The following PWWP2A variants were observed in gnomAD, a reference collection of about 807,000 sequenced individuals.
PWWP2A encodes PWWP domain-containing protein 2A.
In PWWP2A, 18 loss-of-function variants were observed where a neutral mutation model predicts 48.5. The ratio of observed to expected loss-of-function variants is 0.37; its 90% CI spans 0.26 to 0.55. The LOEUF (loss-of-function observed/expected upper bound fraction) is 0.55, where lower values mean the gene tolerates loss of function less well. Ranked by LOEUF, PWWP2A falls within the 20% of genes least tolerant of loss-of-function variation. PWWP2A has a pLI of 0.81. For missense variants in PWWP2A, 867 were observed against 976.4 expected, an observed-to-expected ratio of 0.89 and a Z score of 1.49; for synonymous variants, 396 against 387.7, an observed-to-expected ratio of 1.02 and a Z score of -0.25.
chr5:160,090,129 G>C, downstream of PWWP2A: 1 of 984,804 alleles, frequency 1.0e-6, no homozygotes, highest in Non-Finnish European at 1.2e-6. Context: ...TCAAAGGTGT[G>C]TTCTACAAAA....
At chr5:160,072,588 G>A (rs536045035), downstream of PWWP2A, among the ~76,000 whole-genome samples, 8 of 152,158 alleles carry the variant, frequency 5.3e-5, 1 homozygote, top group South Asian at 8.3e-4. Flanking sequence ...TTGTTAGCTC[G>A]GGGTGGTAGT....
chr5:160,071,178 G>A (rs546068844), downstream of PWWP2A, among the ~76,000 whole-genome samples: 1 of 152,078 alleles, frequency 6.6e-6, no homozygotes, highest in Admixed American at 6.5e-5. Context: ...ATGAGACCCT[G>A]TCTCAAAAAG....
rs182691561 is a variant in PWWP2A, at chr5:160,062,863, G to A, written c.*368+679C>T. Among the ~76,000 whole-genome samples the A allele has an allele frequency of 2.7e-3, 414 of 151,898 alleles. 3 individuals are homozygous for A. The highest frequency in any genetic ancestry group is 9.5e-3 in the African/African-American group (395 of 41,436). On this transcript the variant is annotated intron_variant and NMD_transcript_variant, in intron 5 of 5. Coordinates refer to the PWWP2A transcript ENST00000524050. ...TCCAACCCCAGAACAAACTGCCAGC[G>A]TTCCTGGTTGGTGTTGCTAACTCAG...
intron 1 of PWWP2A, among the ~76,000 whole-genome samples, chr5:160,115,517 C>A (rs1471989503): frequency 6.6e-6 from 1 of 151,814 alleles, no homozygotes; most frequent in East Asian, 1.9e-4. Context: ...CATGGTGAAA[C>A]CCCCGTCTCT....
At chr5:160,066,861 A>G (rs76134406) in exon 3 of PWWP2A, 37 of 152,018 alleles carry the variant, frequency 2.4e-4, no homozygotes, top group African/African-American at 8.9e-4. Flanking sequence ...CAACATAGCA[A>G]GGTTCCATCT....
At chr5:160,112,126 C>CAAAAAA (rs11480893) in intron 1 of PWWP2A, among the ~76,000 whole-genome samples, 5 of 90,868 alleles carry the variant, frequency 5.5e-5, no homozygotes, top group African/African-American at 1.8e-4. Flanking sequence ...GACCCTTTCT[C>CAAAAAA]AAAAAAAAAA....
chr5:160,103,323 C>T (rs1330914696), intron 1 of PWWP2A, among the ~76,000 whole-genome samples: 1 of 152,132 alleles, frequency 6.6e-6, no homozygotes, highest in Non-Finnish European at 1.5e-5. Context: ...GAAAATCTAT[C>T]CAACTTAAGT....
chr5:160,078,886 C>T lies in PWWP2A; in HGVS notation c.1670-718G>A, dbSNP rs534438605. ...CTCCAACAAGAAGCAGGACTCCAAGCGCACTGTTTATAAAGGGCAAGGCTT... is the reference window on the plus strand; with the variant it reads ...CTCCAACAAGAAGCAGGACTCCAAGTGCACTGTTTATAAAGGGCAAGGCTT... On this transcript the variant is annotated intron_variant, in intron 3 of 3. Transcript: ENST00000456329. This position sits in a 1 kb window ranked among gnomAD's most constrained non-coding sequence, Gnocchi z 4.2. Among the ~76,000 whole-genome samples, 3 of 152,274 alleles carry T rather than the reference C, an allele frequency of 2.0e-5. No homozygotes were observed. In the South Asian group the frequency reaches 6.2e-4, roughly 32 times the overall value.
the PWWP2A span, among the ~76,000 whole-genome samples, chr5:160,045,520 A>ACACACACACACACTCTCT: frequency 1.8e-5 from 1 of 54,884 alleles, no homozygotes; most frequent in Non-Finnish European, 3.3e-5. Flanking sequence ...ACACATACAC[A>ACACACACACACACTCTCT]CTCTCTCTCT....
At chr5:160,112,214 T>C (rs1005826292) in intron 1 of PWWP2A, among the ~76,000 whole-genome samples, 2 of 151,622 alleles carry the variant, frequency 1.3e-5, no homozygotes, top group Non-Finnish European at 2.9e-5. Flanking sequence ...AATGCATGCT[T>C]CACTTAAAGG....
chr5:160,068,428 C>T (rs58896301), intron 2 of PWWP2A, among the ~76,000 whole-genome samples: 1 of 151,712 alleles, frequency 6.6e-6, no homozygotes, highest in African/African-American at 2.4e-5. Context: ...GGTGAAACCT[C>T]GTCTCTACTA....
intron 2 of PWWP2A, among the ~76,000 whole-genome samples, chr5:160,069,867 A>C (rs1753701380): frequency 6.6e-6 from 1 of 152,156 alleles, no homozygotes; most frequent in South Asian, 2.1e-4. Flanking sequence ...TATTTCCAAG[A>C]ATTAAAAAAA....
chr5:160,094,394 T>C (rs1755401566), intron 1 of PWWP2A, among the ~76,000 whole-genome samples: 1 of 152,232 alleles, frequency 6.6e-6, no homozygotes, highest in Non-Finnish European at 1.5e-5. Flanking sequence ...TTACATTCAC[T>C]GAACCATATA....
At chr5:160,082,079 G>T (rs959402885) in intron 2 of PWWP2A, among the ~76,000 whole-genome samples, 1 of 152,100 alleles carries the variant, frequency 6.6e-6, no homozygotes, top group Non-Finnish European at 1.5e-5. Context: ...TTTTGTTCAT[G>T]GAAAAACTTA....
chr5:160,092,747 T>C lies in PWWP2A; in HGVS notation c.1903A>G (p.Met635Val). ...EEKKLSNSLK[M>V]KVFSKNVSKC... ...GAGACGTTTTTGGAAAAGACTTTCATTTTCAAGGAATTACTGAGCTTTTTC... is the reference window on the plus strand; with the variant it reads ...GAGACGTTTTTGGAAAAGACTTTCACTTTCAAGGAATTACTGAGCTTTTTC... Residue 635 changes from methionine (M) to valine (V), a missense_variant, in exon 2 of 2, where the codon ATG (methionine) becomes GTG (valine). Met to Val is a conservative substitution (Grantham distance 21, BLOSUM62 1). Transcript: ENST00000307063. 6.4e-7 allele frequency: 1 copy of C among 1,551,592 alleles called. No homozygotes were observed. The highest frequency in any genetic ancestry group is 8.7e-7 in the Non-Finnish European group (1 of 1,146,962).
At chr5:160,075,905 T>C (rs1251429134) in exon 4 of PWWP2A, 4 of 151,868 alleles carry the variant, frequency 2.6e-5, no homozygotes, top group Admixed American at 2.6e-4. Context: ...AAAGACTTTA[T>C]TGGATAAAGG....
At chr5:160,085,976 G>A (rs1484934911) in intron 2 of PWWP2A, among the ~76,000 whole-genome samples, 3 of 151,580 alleles carry the variant, frequency 2.0e-5, no homozygotes, top group Non-Finnish European at 2.9e-5. Flanking sequence ...CCACCACCAC[G>A]CCCAGCTCAT....
At chr5:160,064,783 G>T (rs1753550211) in intron 4 of PWWP2A, 1 of 842,388 alleles carries the variant, frequency 1.2e-6, no homozygotes, top group Non-Finnish European at 1.8e-6. Flanking sequence ...AACTCTCCTG[G>T]AAGCTTTCAT....
At position 160,119,155 on chromosome 5, in the gene PWWP2A, G is replaced by A. The variant is rs1297794406; in HGVS notation, c.234C>T (p.Leu78=). Residue 78 remains leucine (L), a synonymous_variant, in exon 1 of 2, where the codon CTC becomes CTT. Coordinates refer to ENST00000307063, the MANE Select transcript of PWWP2A (RefSeq NM_001130864.2). ...GCCCCACCGCCTCTGGGCTGCGGGC[G>A]AGCTCCCCCGGCGGCGGCGGTGGCG... The part of the protein sequence containing the change: ...LPPPPPPPGE[L]ARSPEAVGPE... 6.5e-7 allele frequency: 1 copy of A among 1,543,882 alleles called. No homozygotes were observed. The highest frequency in any genetic ancestry group is 8.6e-7 in the Non-Finnish European group (1 of 1,159,456).
Sources: gnomAD v4.1 joint callset for allele counts (sites outside exome capture counted in the v4.1 genomes callset) on GRCh38, gnomAD v4.1.1 for gene constraint, Gnocchi (gnomAD v3.1) non-coding constraint, MANE v1.5 for transcripts, NCBI Gene and HGNC (gene_info 2026-07-23, HGNC 2026-07-21) for gene names.